CCDC122: variants seen among roughly 807,000 people sequenced by gnomAD.
The protein encoded by CCDC122 is coiled-coil domain-containing protein 122.
Under a neutral mutation model 37.0 loss-of-function variants are expected in CCDC122, and 38 were observed. The observed-to-expected ratio is 1.03, with a 90% CI of 0.79 to 1.35. The LOEUF is 1.35. Among genes scored for constraint, CCDC122 ranks in the 40% most tolerant of loss-of-function variants. The pLI is 0.00. For synonymous variants in CCDC122, 83 were observed against 95.6 expected (o/e 0.87, Z 0.77); for missense variants, 305 against 310.0 (o/e 0.98, Z 0.12).
At chr13:43,876,048 G>A (rs1241885567) in intron 1 of CCDC122, among the ~76,000 whole-genome samples, 1 of 152,168 alleles carries the variant, frequency 6.6e-6, no homozygotes, top group African/African-American at 2.4e-5. Context: ...AAGTCACTTA[G>A]CCCCTAGGCA....
chr13:43,820,023 A>G (rs1952982903), downstream of CCDC122, among the ~76,000 whole-genome samples: 1 of 152,060 alleles, frequency 6.6e-6, no homozygotes, highest in Non-Finnish European at 1.5e-5. Context: ...TATTTGTATT[A>G]ATGTGATTTA....
chr13:43,870,080 A>G (rs561360378), intron 2 of CCDC122, among the ~76,000 whole-genome samples: 8 of 152,294 alleles, frequency 5.3e-5, no homozygotes, highest in African/African-American at 1.9e-4. Flanking sequence ...ATGTGTTTAA[A>G]AAAATTTAAA....
intron 1 of CCDC122, among the ~76,000 whole-genome samples, chr13:43,878,475 G>A (rs572411154): frequency 2.0e-4 from 31 of 152,238 alleles, no homozygotes; most frequent in African/African-American, 7.0e-4. Flanking sequence ...ACAAGAACAT[G>A]CCTACCCCAG....
intron 6 of CCDC122, among the ~76,000 whole-genome samples, chr13:43,853,859 A>T (rs1287565219): frequency 6.6e-6 from 1 of 152,230 alleles, no homozygotes; most frequent in African/African-American, 2.4e-5. Flanking sequence ...AATTGCATGG[A>T]AATTGAAAAT....
downstream of CCDC122, among the ~76,000 whole-genome samples, chr13:43,822,464 C>A (rs1236729526): frequency 6.6e-6 from 1 of 152,186 alleles, no homozygotes; most frequent in Non-Finnish European, 1.5e-5. Flanking sequence ...TCACTCAAGG[C>A]CCTAGGGCTC....
At chr13:43,845,319 G>A (rs1163146058) in intron 6 of CCDC122, among the ~76,000 whole-genome samples, 1 of 152,138 alleles carries the variant, frequency 6.6e-6, no homozygotes, top group Non-Finnish European at 1.5e-5. Flanking sequence ...ATTTTAAAGT[G>A]TCAAATGACT....
intron 1 of CCDC122, among the ~76,000 whole-genome samples, chr13:43,875,965 G>A (rs543674953): frequency 6.6e-6 from 1 of 152,206 alleles, no homozygotes; most frequent in Non-Finnish European, 1.5e-5. Flanking sequence ...CCTTATAAGA[G>A]AAAGGTAGAG....
chr13:43,837,457 G>A (rs756336265), intron 6 of CCDC122, 28 bp from the exon 7 acceptor site: 47 of 1,588,896 alleles, frequency 3.0e-5, no homozygotes, highest in Non-Finnish European at 3.8e-5. Context: ...CACATCAACA[G>A]GGCTTGTGAA....
chr13:43,848,875 A>G (rs1953630659), intron 6 of CCDC122: 1 of 978,710 alleles, frequency 1.0e-6, no homozygotes, highest in Non-Finnish European at 1.2e-6. Context: ...GGCTAAAGAT[A>G]TTCAGAAGAG....
At chr13:43,865,275 G>A (rs2153877193) in intron 4 of CCDC122, among the ~76,000 whole-genome samples, 1 of 152,116 alleles carries the variant, frequency 6.6e-6, no homozygotes, top group East Asian at 1.9e-4. Context: ...CAGAAGTATG[G>A]GTGGCCTGGG....
downstream of CCDC122, among the ~76,000 whole-genome samples, chr13:43,820,452 C>T (rs1813293): frequency 0.27 from 40,264 of 151,836 alleles, 6,020 homozygotes; most frequent in East Asian, 0.45. Flanking sequence ...GGGGTTTTGC[C>T]GAAAGGACAT....
chr13:43,831,146 A>T (rs1280475611), intron 3 of CCDC122, among the ~76,000 whole-genome samples: 1 of 152,234 alleles, frequency 6.6e-6, no homozygotes, highest in Non-Finnish European at 1.5e-5. Context: ...CAAAGTCAAT[A>T]TTACATCTAA....
chr13:43,835,228 C>G (rs897059964), downstream of CCDC122, among the ~76,000 whole-genome samples: 10 of 152,068 alleles, frequency 6.6e-5, no homozygotes, highest in Non-Finnish European at 1.5e-5. Context: ...CCAAACACCG[C>G]GTGTTCTCAC....
At chr13:43,865,803 G>A (rs1459194999) in intron 4 of CCDC122, among the ~76,000 whole-genome samples, 2 of 152,118 alleles carry the variant, frequency 1.3e-5, no homozygotes, top group African/African-American at 4.8e-5. Context: ...ACAGATGGAT[G>A]ATTTGTCCTT....
At chr13:43,843,202 T>C (rs756267053) in intron 6 of CCDC122, among the ~76,000 whole-genome samples, 16 of 152,036 alleles carry the variant, frequency 1.1e-4, no homozygotes, top group Non-Finnish European at 1.8e-4. Flanking sequence ...TGATGAAGTT[T>C]CCTTCTATTC....
At chr13:43,874,201 T>C (rs775656281) in intron 2 of CCDC122, among the ~76,000 whole-genome samples, 2 of 152,182 alleles carry the variant, frequency 1.3e-5, no homozygotes, top group Non-Finnish European at 2.9e-5. Flanking sequence ...TATTAGCTTA[T>C]TAGGAAAATT....
chr13:43,839,383 A>G (rs1953270524), intron 6 of CCDC122, among the ~76,000 whole-genome samples: 1 of 152,174 alleles, frequency 6.6e-6, no homozygotes, highest in South Asian at 2.1e-4. Context: ...ACTTAGCATA[A>G]TGGCTTTTAA....
intron 3 of CCDC122, among the ~76,000 whole-genome samples, chr13:43,828,383 CTT>C (rs1360732242): frequency 2.6e-5 from 4 of 152,164 alleles, no homozygotes; most frequent in African/African-American, 9.7e-5. Flanking sequence ...TCCATGAGAA[CTT>C]ATACTTGCTT....
At chr13:43,842,386 G>A (rs1415135192) in intron 6 of CCDC122, among the ~76,000 whole-genome samples, 1 of 151,344 alleles carries the variant, frequency 6.6e-6, no homozygotes, top group African/African-American at 2.4e-5. Flanking sequence ...CTGTTCCATT[G>A]GTCTATTTAT....
Sources: allele counts gnomAD v4.1 joint callset (sites outside exome capture counted in the v4.1 genomes callset), GRCh38; gene constraint gnomAD v4.1.1; transcripts MANE v1.5; gene names NCBI Gene and HGNC (gene_info 2026-07-23, HGNC 2026-07-21).